RIC1: variants seen among roughly 807,000 people sequenced by gnomAD.
The protein encoded by RIC1 is guanine nucleotide exchange factor subunit RIC1.
Under a neutral mutation model 169.0 loss-of-function variants are expected in RIC1, and 88 were observed. The ratio of observed to expected loss-of-function variants is 0.52; its 90% CI spans 0.44 to 0.62. The LOEUF (loss-of-function observed/expected upper bound fraction) is 0.62. Ranked by LOEUF, RIC1 falls within the 20% of genes least tolerant of loss-of-function variation. The pLI is 0.00. For synonymous variants in RIC1, 790 were observed against 601.5 expected, an observed-to-expected ratio of 1.31 and a Z score of -4.59; for missense variants, 1,877 against 1,725.5, an observed-to-expected ratio of 1.09 and a Z score of -1.56.
chr9:5,723,072 A>C (rs554210566), intron 6 of RIC1, among the ~76,000 whole-genome samples: 3 of 152,378 alleles, frequency 2.0e-5, no homozygotes, highest in Admixed American at 6.5e-5. Flanking sequence ...GTATATACCC[A>C]GTAATGGGAT....
At chr9:5,635,597 T>C (rs534749426) in intron 1 of RIC1, among the ~76,000 whole-genome samples, 1 of 152,342 alleles carries the variant, frequency 6.6e-6, no homozygotes, top group Admixed American at 6.5e-5. Flanking sequence ...TGTAATATAC[T>C]TTGAAATCAG....
chr9:5,740,435 T>C (rs558754856), intron 8 of RIC1, among the ~76,000 whole-genome samples: 48 of 152,134 alleles, frequency 3.2e-4, no homozygotes, highest in Admixed American at 1.4e-3. Context: ...AGTAAGGTTC[T>C]CTAGGGGACA....
intron 4 of RIC1, among the ~76,000 whole-genome samples, chr9:5,714,729 G>C (rs1477902719): frequency 1.3e-5 from 2 of 152,184 alleles, no homozygotes; most frequent in Non-Finnish European, 2.9e-5. Context: ...TTAAAAGGGA[G>C]ATGAGGTATC....
At position 5,654,339 on chromosome 9, in the gene RIC1, C is replaced by G. The variant is rs148650157; in HGVS notation, c.145-2244C>G. Among the ~76,000 whole-genome samples the G allele has an allele frequency of 2.4e-3, 358 of 152,144 alleles. 1 individual carries two copies. The highest frequency in any genetic ancestry group is 8.2e-3 in the African/African-American group (340 of 41,490). Reference sequence around the variant, plus strand: ...TTGACTCACTGCAGCCTCTGCCTCCCGGGTTCAAGCGATTCTCCTGCCACA... The same window carrying G: ...TTGACTCACTGCAGCCTCTGCCTCCGGGGTTCAAGCGATTCTCCTGCCACA... On this transcript the variant is annotated intron_variant, in intron 1 of 25. Transcript: ENST00000414202.
At chr9:5,681,927 T>A (rs889926092) in intron 2 of RIC1, among the ~76,000 whole-genome samples, 1 of 152,236 alleles carries the variant, frequency 6.6e-6, no homozygotes, top group Non-Finnish European at 1.5e-5. Context: ...CTTCTTTGTC[T>A]CTTTTGATCT....
chr9:5,630,275 C>T lies in RIC1; in HGVS notation c.144+822C>T, dbSNP rs77603473. On this transcript the variant is annotated intron_variant, in intron 1 of 25. Transcript: ENST00000414202. ...TGGATGGGATACTCCCTACTCTCTG[C>T]AAACACTGCTATAACTTTGTCTATG... Among the ~76,000 whole-genome samples, 1,059 of 152,324 alleles carry T rather than the reference C, an allele frequency of 7.0e-3. 13 individuals carry two copies. Among genetic ancestry groups the T allele is most frequent in the African/African-American group, 0.024 (1,004 of 41,576 alleles).
intron 21 of RIC1, among the ~76,000 whole-genome samples, chr9:5,766,968 G>C (rs1036172692): frequency 3.3e-5 from 5 of 152,220 alleles, no homozygotes; most frequent in African/African-American, 1.2e-4. Context: ...CGGCAGTGTA[G>C]AAGTGTTCCC....
intron 25 of RIC1, 64 bp downstream of exon 25, chr9:5,773,144 C>A: frequency 2.2e-6 from 2 of 903,758 alleles, no homozygotes; most frequent in Non-Finnish European, 3.2e-6. Flanking sequence ...TGTCCTTTCA[C>A]ATTAAGGCCT....
chr9:5,680,595 G>A (rs147081139), intron 2 of RIC1, among the ~76,000 whole-genome samples: 2,018 of 152,184 alleles, frequency 0.013, 52 homozygotes, highest in African/African-American at 0.046. Flanking sequence ...ATGTGTCCAG[G>A]AACTTATCCA....
intron 2 of RIC1, among the ~76,000 whole-genome samples, chr9:5,679,284 G>C (rs1820658377): frequency 6.6e-6 from 1 of 152,182 alleles, no homozygotes; most frequent in South Asian, 2.1e-4. Context: ...GATGCCTCCA[G>C]CTTTGTTCTT....
chr9:5,655,776 AT>A (rs1018329337), intron 1 of RIC1, among the ~76,000 whole-genome samples: 1 of 151,684 alleles, frequency 6.6e-6, no homozygotes, highest in Non-Finnish European at 1.5e-5. Context: ...ATGGTGTTTA[AT>A]TTTTTTTAAT....
intron 11 of RIC1, 35 bp from the exon 12 acceptor site, chr9:5,747,267 T>A: frequency 6.5e-7 from 1 of 1,541,686 alleles, no homozygotes; most frequent in Non-Finnish European, 8.9e-7. Context: ...TTTGTTTTCC[T>A]CCTTTGCCCT....
intron 1 of RIC1, among the ~76,000 whole-genome samples, chr9:5,633,681 AT>A (rs1817830892): frequency 6.6e-6 from 1 of 152,182 alleles, no homozygotes; most frequent in Non-Finnish European, 1.5e-5. Context: ...AATCAGTCTA[AT>A]TAACAGATCC....
chr9:5,630,647 C>G (rs1817673945), intron 1 of RIC1, among the ~76,000 whole-genome samples: 2 of 152,162 alleles, frequency 1.3e-5, no homozygotes, highest in Admixed American at 6.5e-5. Flanking sequence ...TTTGGCTGAT[C>G]TAATTTTCAA....
intron 3 of RIC1, among the ~76,000 whole-genome samples, chr9:5,699,356 G>T (rs1822087587): frequency 6.6e-6 from 1 of 152,194 alleles, no homozygotes; most frequent in Non-Finnish European, 1.5e-5. Context: ...AATGACATCT[G>T]GTCCAAGGTG....
chr9:5,731,081 C>A (rs1258052806), intron 6 of RIC1, among the ~76,000 whole-genome samples: 1 of 152,074 alleles, frequency 6.6e-6, no homozygotes, highest in African/African-American at 2.4e-5. Flanking sequence ...CCCTCTTCAC[C>A]AGCATTGCTT....
chr9:5,653,761 C>A (rs1193095564), intron 1 of RIC1, among the ~76,000 whole-genome samples: 1 of 151,938 alleles, frequency 6.6e-6, no homozygotes, highest in Non-Finnish European at 1.5e-5. Flanking sequence ...CTACGCCCGG[C>A]TAATTTTTGT....
chr9:5,753,299 C>G (rs185997705), intron 13 of RIC1, 61 bp downstream of exon 13: 3 of 1,434,584 alleles, frequency 2.1e-6, no homozygotes, highest in East Asian at 2.3e-5. Flanking sequence ...AAGAGGCATT[C>G]TGGGAAGAGC....
At chr9:5,737,548 A>T (rs908462735) in intron 7 of RIC1, among the ~76,000 whole-genome samples, 3 of 151,028 alleles carry the variant, frequency 2.0e-5, no homozygotes, top group Non-Finnish European at 2.9e-5. Context: ...TATATCTACT[A>T]TATATATATC....
Sources: allele counts gnomAD v4.1 joint callset (sites outside exome capture counted in the v4.1 genomes callset), GRCh38; gene constraint gnomAD v4.1.1; transcripts MANE v1.5; gene names NCBI Gene and HGNC (gene_info 2026-07-23, HGNC 2026-07-21).